HLCS: variants seen among roughly 807,000 people sequenced by gnomAD.
The protein encoded by HLCS is biotin--protein ligase.
In HLCS, 53 loss-of-function variants were observed where a neutral mutation model predicts 75.0. That is an observed-to-expected ratio of 0.71 (90% CI 0.57 to 0.89). The LOEUF (loss-of-function observed/expected upper bound fraction) is 0.89. Among genes scored for constraint, HLCS ranks in the 40% least tolerant of loss-of-function variants. The pLI is 0.00. For missense variants in HLCS, 966 were observed against 1,074.0 expected (o/e 0.90, Z 1.41); for synonymous variants, 431 against 428.6 (o/e 1.01, Z -0.07).
chr21:36,800,071 A>C (rs117820984), intron 6 of HLCS, among the ~76,000 whole-genome samples: 2 of 152,150 alleles, frequency 1.3e-5, no homozygotes, highest in Non-Finnish European at 2.9e-5. Context: ...CGTGATCAAC[A>C]TTAGACACTG....
intron 6 of HLCS, among the ~76,000 whole-genome samples, chr21:36,860,768 A>C (rs1433601383): frequency 6.6e-6 from 1 of 152,234 alleles, no homozygotes; most frequent in Non-Finnish European, 1.5e-5. Flanking sequence ...GTATGAATGG[A>C]AACAAGTTTA....
In HLCS at chr21:36,962,775, C is replaced by CA. The variant is rs1418056299; in HGVS notation, c.196-606dup. Among the ~76,000 whole-genome samples, 4 of 114,998 alleles carry CA rather than the reference C, an allele frequency of 3.5e-5. No individual in the cohort carries two copies. The East Asian group carries it at 1.1e-3, about 32-fold the overall frequency. 75.4% of individuals were successfully genotyped at this position (114,998 alleles called of 152,430 possible). ...GCCACTGCACTCCAGCCTTGGGTGA[C>CA]AGAGTGAGACCCTATCTCAAAAAAA... On this transcript the variant is annotated intron_variant, in intron 1 of 10. Transcript: ENST00000674895.
rs1187077934 is a variant in HLCS at position 36,749,365 on chromosome 21, G to A, written c.*4881C>T. 1 of 152,138 alleles carries A rather than the reference G, an allele frequency of 6.6e-6. No individual in the cohort carries two copies. The highest frequency in any genetic ancestry group is 2.4e-5 in the African/African-American group (1 of 41,356). The allele number at this position is 152,138 out of a possible 1,614,324, so 9.4% of individuals were successfully genotyped here. On this transcript the variant is annotated 3_prime_UTR_variant, in exon 11 of 11. Transcript: ENST00000674895. The stretch of plus-strand genomic sequence containing the variant: ...GAAACTTTTTCCACCTTTCTGAATG[G>A]AAAGAGGTTTTCACAAATGTTTTAA...
chr21:36,806,907 G>T (rs1430195846), intron 6 of HLCS, among the ~76,000 whole-genome samples: 2 of 152,178 alleles, frequency 1.3e-5, no homozygotes, highest in Admixed American at 1.3e-4. Context: ...TCATCTCAAG[G>T]CTTGCCTGGG....
intron 6 of HLCS, among the ~76,000 whole-genome samples, chr21:36,850,192 T>G (rs868455949): frequency 6.6e-6 from 1 of 152,228 alleles, no homozygotes. Flanking sequence ...TATAAATACA[T>G]TAAAAGTGAG....
At chr21:36,768,891 C>T (rs1448397476) in intron 6 of HLCS, among the ~76,000 whole-genome samples, 2 of 152,284 alleles carry the variant, frequency 1.3e-5, no homozygotes, top group Non-Finnish European at 2.9e-5. Flanking sequence ...TTTCAGGCAC[C>T]TCTGTTTTCT....
intron 5 of HLCS, among the ~76,000 whole-genome samples, chr21:36,906,463 G>A (rs2065459856): frequency 6.6e-6 from 1 of 152,134 alleles, no homozygotes; most frequent in Admixed American, 6.5e-5. Flanking sequence ...GAGCCCAGGA[G>A]CTAGGCTGCA....
chr21:36,756,602 T>A lies in HLCS; in HGVS notation c.2390A>T (p.Glu797Val). ...GCTGTTGGGCCCTTTGTCCTGAAAC[T>A]CTTTGATCAGTTTCTCCAGCACAGT... ...VVTVLEKLIK[E>V]FQDKGPNSVL... The change falls in exon 10 of 11, where the codon GAG becomes GTG. Residue 797 changes from glutamate to valine, a missense_variant. Glu to Val is a moderately radical substitution (Grantham distance 121). Coordinates refer to ENST00000674895, the MANE Select transcript of HLCS (RefSeq NM_001352514.2). The A allele has an allele frequency of 6.2e-7, 1 of 1,613,992 alleles. No individual in the cohort carries two copies. The highest frequency in any genetic ancestry group is 8.5e-7 in the Non-Finnish European group (1 of 1,180,000).
rs1356107465 is a variant in HLCS, at chr21:36,753,066, A to G, written c.*1180T>C. The G allele has an allele frequency of 6.5e-6, 1 of 152,718 alleles. No homozygotes were observed. Among genetic ancestry groups the G allele is most frequent in the Non-Finnish European group, 1.5e-5 (1 of 68,052 alleles). The allele number at this position is 152,718 out of a possible 1,614,324, so 9.5% of individuals were successfully genotyped here. On this transcript the variant is annotated 3_prime_UTR_variant, in exon 11 of 11. Transcript: ENST00000674895. This position sits in a 1 kb window ranked among gnomAD's most constrained non-coding sequence, Gnocchi z 4.3. The stretch of plus-strand genomic sequence containing the variant: ...GCGTACATCTGGGAATAGCGAATGC[A>G]TATCAAAAGGCTTCATTTCTTTTGT...
intron 6 of HLCS, among the ~76,000 whole-genome samples, chr21:36,882,868 G>A (rs1258025398): frequency 2.0e-5 from 3 of 151,978 alleles, no homozygotes; most frequent in Non-Finnish European, 4.4e-5. Flanking sequence ...GGAACCAAAG[G>A]GCAAAGAAAG....
chr21:36,899,600 G>A (rs1178314036), intron 5 of HLCS, among the ~76,000 whole-genome samples: 2 of 152,152 alleles, frequency 1.3e-5, no homozygotes, highest in Non-Finnish European at 2.9e-5. Flanking sequence ...CTCCAGCCTG[G>A]AGACAGAGCA....
At chr21:36,899,804 A>C (rs748046720) in intron 5 of HLCS, among the ~76,000 whole-genome samples, 3 of 151,992 alleles carry the variant, frequency 2.0e-5, no homozygotes, top group Non-Finnish European at 4.4e-5. Flanking sequence ...ATAATGTGGG[A>C]GTCAGAAAGT....
At chr21:36,957,862 G>C (rs1015251254) in intron 2 of HLCS, among the ~76,000 whole-genome samples, 5 of 150,848 alleles carry the variant, frequency 3.3e-5, no homozygotes, top group Admixed American at 6.6e-5. Context: ...CCGGGAGGCA[G>C]AGCTTGCAGT....
In HLCS at chr21:36,937,188, G is replaced by T. The variant is rs1487718304; in HGVS notation, c.698C>A (p.Ala233Asp). ...GCCCCCTCCCCTGTCACTGTCCCCA[G>T]CAGGCTCACTCCCAGAGGCACTGCC... ...RRGSASGSEP[A>D]GDSDRGGGPV... Residue 233 changes from alanine (A) to aspartate (D), a missense_variant, in exon 4 of 11, where the codon GCT (alanine) becomes GAT (aspartate). Ala to Asp is a moderately radical substitution (Grantham distance 126). Coordinates refer to ENST00000674895, the MANE Select transcript of HLCS (RefSeq NM_001352514.2). 1.2e-6 allele frequency: 2 copies of T among 1,614,046 alleles called. No individual in the cohort carries two copies. The highest frequency in any genetic ancestry group is 2.7e-5 in the African/African-American group (2 of 74,912).
At position 36,780,382 on chromosome 21, in the gene HLCS, C is replaced by CT. The variant is rs916921455; in HGVS notation, c.1893-13098dup. Among the ~76,000 whole-genome samples, 65 of 151,370 alleles carry CT rather than the reference C, an allele frequency of 4.3e-4. 1 individual carries two copies. Among genetic ancestry groups the CT allele is most frequent in the African/African-American group, 1.0e-3 (43 of 41,262 alleles). On this transcript the variant is annotated intron_variant, in intron 6 of 10. Transcript: ENST00000674895. ...TACAGGTGCCCACCACCACGCCTGG[C>CT]TTTTTTTTTGTATTTTTAGTAGAGA...
At chr21:36,826,856 C>G (rs760192160) in intron 6 of HLCS, among the ~76,000 whole-genome samples, 3 of 152,064 alleles carry the variant, frequency 2.0e-5, no homozygotes, top group Non-Finnish European at 2.9e-5. Context: ...ATGGTGAATA[C>G]AGAACAAATA....
At chr21:36,806,344 C>T (rs2061359479) in intron 6 of HLCS, 1 of 152,104 alleles carries the variant, frequency 6.6e-6, no homozygotes. Context: ...AGTGTGGTTC[C>T]CTGTGTGACA....
chr21:36,939,674 AGT>A (rs1233154644), intron 2 of HLCS, among the ~76,000 whole-genome samples: 26 of 152,150 alleles, frequency 1.7e-4, no homozygotes, highest in African/African-American at 6.3e-4. Context: ...TTAGCCTTCC[AGT>A]TCTTACTACA....
intron 5 of HLCS, 127 bp from the exon 6 acceptor site, chr21:36,897,258 T>C (rs371029052): frequency 1.1e-6 from 1 of 880,392 alleles, no homozygotes; most frequent in Admixed American, 1.9e-5. Context: ...AAAGCTAGAT[T>C]AACATATTCC....
Sources: gnomAD v4.1 joint callset for allele counts (sites outside exome capture counted in the v4.1 genomes callset) on GRCh38, gnomAD v4.1.1 for gene constraint, Gnocchi (gnomAD v3.1) non-coding constraint, MANE v1.5 for transcripts, NCBI Gene and HGNC (gene_info 2026-07-23, HGNC 2026-07-21) for gene names.